DYM: variants seen among roughly 807,000 people sequenced by gnomAD.
DYM encodes the protein dymeclin.
DYM carries 78 observed loss-of-function variants against 93.1 expected under a neutral mutation model. The ratio of observed to expected loss-of-function variants is 0.84; its 90% CI spans 0.70 to 1.01. DYM has a LOEUF of 1.01. Among genes scored for constraint, DYM ranks in the 50% least tolerant of loss-of-function variants. The probability of loss-of-function intolerance (pLI) is 0.00; values close to 1 mark genes in which losing one functional copy is unlikely to be tolerated. For synonymous variants in DYM, 321 were observed against 319.7 expected, an observed-to-expected ratio of 1.00 and a Z score of -0.04; for missense variants, 789 against 845.0, an observed-to-expected ratio of 0.93 and a Z score of 0.82.
chr18:49,116,101 C>A (rs1231824234), intron 16 of DYM: 3 of 152,254 alleles, frequency 2.0e-5, no homozygotes, highest in African/African-American at 7.2e-5. Flanking sequence ...AAGGACATGC[C>A]CAGTTATAAG....
rs539232436 is a variant in DYM at position 49,217,557 on chromosome 18, C to T, written c.1461-7842G>A. 3.9e-3 allele frequency among the ~76,000 whole-genome samples: 600 copies of T among 152,272 alleles called. 3 individuals carry two copies. Among genetic ancestry groups the T allele is most frequent in the African/African-American group, 0.014 (580 of 41,554 alleles). ...CCCATCAGACTAACAGCGGATCTCTCGGCAGAAACTCCACAAGCCAGAAGA... is the reference window on the plus strand; with the variant it reads ...CCCATCAGACTAACAGCGGATCTCTTGGCAGAAACTCCACAAGCCAGAAGA... On this transcript the variant is annotated intron_variant, in intron 13 of 17. Coordinates refer to ENST00000675505, the MANE Select transcript of DYM (RefSeq NM_001353214.3).
chr18:49,360,335 A>T (rs1317140349), intron 6 of DYM, among the ~76,000 whole-genome samples: 1 of 151,304 alleles, frequency 6.6e-6, no homozygotes, highest in Non-Finnish European at 1.5e-5. Context: ...AAAAAAAAAA[A>T]TATTTAGGGC....
intron 15 of DYM, among the ~76,000 whole-genome samples, chr18:49,139,416 C>T (rs535910185): frequency 2.3e-4 from 35 of 152,062 alleles, no homozygotes; most frequent in Non-Finnish European, 5.0e-4. Flanking sequence ...ACGAGGCATT[C>T]CCTCTTCTAA....
intron 14 of DYM, among the ~76,000 whole-genome samples, chr18:49,200,011 C>A (rs2091865563): frequency 6.6e-6 from 1 of 151,862 alleles, no homozygotes; most frequent in South Asian, 2.1e-4. Context: ...AGAAAAAAAG[C>A]AAATCTATGA....
chr18:49,045,647 C>T (rs2071386027), intron 17 of DYM, among the ~76,000 whole-genome samples: 1 of 152,170 alleles, frequency 6.6e-6, no homozygotes, highest in Non-Finnish European at 1.5e-5. Flanking sequence ...GAAACAGCAG[C>T]AGCAGCAACA....
intron 5 of DYM, among the ~76,000 whole-genome samples, chr18:49,371,151 C>T (rs74740298): frequency 0.091 from 13,882 of 152,088 alleles, 854 homozygotes; most frequent in East Asian, 0.31. Context: ...GTGTTACAGG[C>T]CCTGGATCCC....
intron 14 of DYM, among the ~76,000 whole-genome samples, chr18:49,186,450 G>A (rs756617372): frequency 1.3e-5 from 2 of 151,606 alleles, no homozygotes; most frequent in Non-Finnish European, 2.9e-5. Context: ...TGTCTCTCTC[G>A]CCCACTATTG....
chr18:49,089,255 G>C lies in DYM; in HGVS notation c.2025+8147C>G, dbSNP rs115088512. 3.1e-3 allele frequency among the ~76,000 whole-genome samples: 466 copies of C among 152,264 alleles called. 3 individuals are homozygous for C. The highest frequency in any genetic ancestry group is 0.01 in the African/African-American group (432 of 41,544). ...GTGCTCAATTAATGTTAACTGAATA[G>C]TAAACAACAAAGAAAAAGGAAGTTG... On this transcript the variant is annotated intron_variant, in intron 17 of 17. Transcript: ENST00000675505.
intron 15 of DYM, among the ~76,000 whole-genome samples, chr18:49,135,063 G>A (rs891812824): frequency 2.0e-5 from 3 of 152,066 alleles, no homozygotes; most frequent in South Asian, 2.1e-4. Flanking sequence ...AGCTGATATC[G>A]TGTCACTGCG....
At chr18:49,251,985 G>T (rs2094297845) in intron 13 of DYM, among the ~76,000 whole-genome samples, 1 of 151,788 alleles carries the variant, frequency 6.6e-6, no homozygotes, top group Non-Finnish European at 1.5e-5. Flanking sequence ...AGGCTAAGGT[G>T]GGCAGATCAC....
Position 49,047,860 on chromosome 18 carries a change from G to A in DYM, c.2026-3656C>T, listed in dbSNP as rs35673619. ...AGGGGGGCAACAAGTAGCTCCCACC[G>A]ACCCGCGCTCCCCATACATCATGCC... On this transcript the variant is annotated intron_variant, in intron 17 of 17. Coordinates refer to ENST00000675505, the MANE Select transcript of DYM (RefSeq NM_001353214.3). Among the ~76,000 whole-genome samples, 1,025 of 152,246 alleles carry A rather than the reference G, an allele frequency of 6.7e-3. 5 individuals carry two copies. The highest frequency in any genetic ancestry group is 0.011 in the Non-Finnish European group (777 of 68,018).
At chr18:49,255,104 A>C (rs1188443488) in intron 13 of DYM, among the ~76,000 whole-genome samples, 13 of 152,248 alleles carry the variant, frequency 8.5e-5, no homozygotes. Flanking sequence ...TCCTGTACTA[A>C]ATTCTGAAGA....
At chr18:49,117,599 T>G (rs897877395) in intron 16 of DYM, among the ~76,000 whole-genome samples, 1 of 152,210 alleles carries the variant, frequency 6.6e-6, no homozygotes, top group African/African-American at 2.4e-5. Flanking sequence ...CTTGGTTGTA[T>G]GTTGCAAATA....
At chr18:49,215,069 A>C (rs1249235452) in intron 13 of DYM, among the ~76,000 whole-genome samples, 1 of 152,244 alleles carries the variant, frequency 6.6e-6, no homozygotes, top group Non-Finnish European at 1.5e-5. Flanking sequence ...CAGATATGTA[A>C]ATTCTAACAA....
intron 15 of DYM, among the ~76,000 whole-genome samples, chr18:49,127,472 C>A (rs1182066307): frequency 6.6e-6 from 1 of 152,048 alleles, no homozygotes; most frequent in East Asian, 1.9e-4. Flanking sequence ...TTTTAGTTTC[C>A]TTAAGAGAAG....
At position 49,200,982 on chromosome 18, in the gene DYM, C is replaced by A. The variant is rs188880633; in HGVS notation, c.1625+8569G>T. 5.9e-5 allele frequency among the ~76,000 whole-genome samples: 9 copies of A among 152,206 alleles called. No homozygotes were observed. The East Asian group carries it at 1.7e-3, about 29-fold the overall frequency. ...CCATTCTTTGTATTGCATTGTATGG[C>A]TGGAAAATAATCCAGAATCACGTAT... On this transcript the variant is annotated intron_variant, in intron 14 of 17. Coordinates refer to ENST00000675505, the MANE Select transcript of DYM (RefSeq NM_001353214.3).
At chr18:49,214,563 A>C (rs942868344) in intron 13 of DYM, among the ~76,000 whole-genome samples, 11 of 151,236 alleles carry the variant, frequency 7.3e-5, no homozygotes, top group African/African-American at 2.7e-4. Context: ...CAATGAGTAA[A>C]AAAAAAAAAA....
chr18:49,047,442 A>T (rs2144214411), intron 17 of DYM, among the ~76,000 whole-genome samples: 1 of 152,372 alleles, frequency 6.6e-6, no homozygotes, highest in African/African-American at 2.4e-5. Context: ...AAGTTTGATC[A>T]GCTCAGGATG....
chr18:49,317,627 C>CTCCTAT (rs573051080), intron 8 of DYM, among the ~76,000 whole-genome samples: 713 of 24,102 alleles, frequency 0.03, 13 homozygotes, highest in South Asian at 0.069. Flanking sequence ...CTCCCTCCCT[C>CTCCTAT]CCTCTCCTAT....
Sources: allele counts gnomAD v4.1 joint callset (sites outside exome capture counted in the v4.1 genomes callset), GRCh38; gene constraint gnomAD v4.1.1; transcripts MANE v1.5; gene names NCBI Gene and HGNC (gene_info 2026-07-23, HGNC 2026-07-21).